The following RFC3 variants were observed in gnomAD, a reference collection of about 807,000 sequenced individuals.
RFC3 encodes replication factor C subunit 3.
Under a neutral mutation model 45.1 loss-of-function variants are expected in RFC3, and 41 were observed. The observed-to-expected ratio is 0.91, with a 90% CI of 0.71 to 1.18. RFC3 has a LOEUF of 1.18. RFC3 is among the 50% of genes most tolerant of loss of function. The pLI, the probability that RFC3 is intolerant of heterozygous loss-of-function variation, is 0.00. For synonymous variants in RFC3, 149 were observed against 144.0 expected (o/e 1.03, Z -0.25); for missense variants, 423 against 428.1 (o/e 0.99, Z 0.10).
intron 8 of RFC3, among the ~76,000 whole-genome samples, chr13:33,920,126 G>GAAAAAAA (rs2082758817): frequency 2.0e-5 from 3 of 152,114 alleles, no homozygotes; most frequent in Non-Finnish European, 2.9e-5. Flanking sequence ...TGAAGGGAGA[G>GAAAAAAA]AATGTTTGGC....
intron 8 of RFC3, among the ~76,000 whole-genome samples, chr13:33,910,237 CAT>C (rs2082695920): frequency 6.6e-6 from 1 of 152,034 alleles, no homozygotes; most frequent in African/African-American, 2.4e-5. Flanking sequence ...AAAGAGATAA[CAT>C]AGCATAAGGA....
intron 8 of RFC3, among the ~76,000 whole-genome samples, chr13:33,851,511 A>G (rs991768426): frequency 6.6e-6 from 1 of 152,176 alleles, no homozygotes; most frequent in Admixed American, 6.6e-5. Context: ...GAAAAAATAT[A>G]TTTACTATCT....
intron 8 of RFC3, among the ~76,000 whole-genome samples, chr13:33,904,724 C>A (rs562583911): frequency 6.6e-6 from 1 of 152,004 alleles, no homozygotes; most frequent in East Asian, 1.9e-4. Flanking sequence ...GCCCTTCTCT[C>A]GCCGCAATTT....
In RFC3 at chr13:33,825,702, A is replaced by G. The variant is rs144184213; in HGVS notation, c.294-87A>G. Reference sequence around the variant, plus strand: ...GTTAAGTGATATTAATTTTGATTAAAATTTTGACCACTTAAGAACTTCACC... The same window carrying G: ...GTTAAGTGATATTAATTTTGATTAAGATTTTGACCACTTAAGAACTTCACC... On this transcript the variant is annotated intron_variant, in intron 3 of 8. Transcript: ENST00000380071. The G allele has an allele frequency of 7.5e-4, 471 of 625,166 alleles. 1 individual carries two copies. Among genetic ancestry groups the G allele is most frequent in the African/African-American group, 6.7e-3 (352 of 52,308 alleles). 38.7% of individuals were successfully genotyped at this position (625,166 alleles called of 1,614,324 possible). A position where few individuals can be genotyped will look rare whatever the true frequency, so the allele number is the denominator to read the frequency against.
chr13:33,960,836 C>T (rs964411249), intron 8 of RFC3, among the ~76,000 whole-genome samples: 3 of 152,196 alleles, frequency 2.0e-5, no homozygotes, highest in African/African-American at 7.2e-5. Context: ...TTATTGCCTG[C>T]CTGAAATCTG....
intron 8 of RFC3, among the ~76,000 whole-genome samples, chr13:33,892,749 TAGAC>T (rs983541549): frequency 1.7e-4 from 26 of 152,046 alleles, no homozygotes; most frequent in African/African-American, 4.8e-4. Context: ...CAAAAACAAA[TAGAC>T]AGCACCAAGA....
At chr13:33,928,576 T>C (rs973388423) in intron 8 of RFC3, among the ~76,000 whole-genome samples, 3 of 152,134 alleles carry the variant, frequency 2.0e-5, no homozygotes, top group African/African-American at 7.2e-5. Context: ...CCGTGCCTTA[T>C]TACATTGATC....
chr13:33,931,563 T>G (rs965436803), intron 8 of RFC3, among the ~76,000 whole-genome samples: 2 of 152,134 alleles, frequency 1.3e-5, no homozygotes, highest in African/African-American at 4.8e-5. Flanking sequence ...CCAAAATTAC[T>G]GTCACAGTGT....
chr13:33,917,358 G>A (rs1189561829), intron 8 of RFC3, among the ~76,000 whole-genome samples: 1 of 152,112 alleles, frequency 6.6e-6, no homozygotes, highest in Non-Finnish European at 1.5e-5. Context: ...TGGAAAGGAT[G>A]GTTAGTCTGA....
At chr13:33,871,775 C>T (rs2082411528) in intron 8 of RFC3, among the ~76,000 whole-genome samples, 1 of 152,180 alleles carries the variant, frequency 6.6e-6, no homozygotes, top group Non-Finnish European at 1.5e-5. Flanking sequence ...ACATTGGGGC[C>T]ATTCTCTTCA....
chr13:33,903,978 T>G (rs901387175), intron 8 of RFC3, among the ~76,000 whole-genome samples: 4 of 152,102 alleles, frequency 2.6e-5, no homozygotes, highest in African/African-American at 9.7e-5. Context: ...ACTAACATCG[T>G]TTTCTTCCCT....
At chr13:33,841,850 C>G (rs184075612), downstream of RFC3, among the ~76,000 whole-genome samples, 2 of 152,268 alleles carry the variant, frequency 1.3e-5, no homozygotes, top group East Asian at 3.9e-4. Flanking sequence ...ACTGCATGTC[C>G]TGGAGATCAT....
intron 8 of RFC3, among the ~76,000 whole-genome samples, chr13:33,950,598 G>T (rs1357422850): frequency 1.3e-5 from 2 of 152,206 alleles, no homozygotes; most frequent in African/African-American, 4.8e-5. Flanking sequence ...CAACATGGAA[G>T]AAAGCGTCTG....
chr13:33,835,287 C>T (rs780722086), intron 8 of RFC3, 70 bp downstream of exon 8: 10 of 920,212 alleles, frequency 1.1e-5, no homozygotes, highest in Non-Finnish European at 1.8e-5. Flanking sequence ...GATCATAGGG[C>T]TTTTTGCAGT....
chr13:33,891,192 CT>C (rs1352449813), intron 8 of RFC3, among the ~76,000 whole-genome samples: 1 of 152,124 alleles, frequency 6.6e-6, no homozygotes, highest in East Asian at 1.9e-4. Context: ...AAATATACAA[CT>C]AAGAGTGGCA....
intron 8 of RFC3, among the ~76,000 whole-genome samples, chr13:33,901,982 C>T (rs2082644505): frequency 6.6e-6 from 1 of 151,984 alleles, no homozygotes; most frequent in African/African-American, 2.4e-5. Context: ...CCACCCTAGA[C>T]CCTGACCCCT....
chr13:33,976,205 A>G, the RFC3 span, among the ~76,000 whole-genome samples: 1 of 152,264 alleles, frequency 6.6e-6, no homozygotes, highest in Non-Finnish European at 1.5e-5. Flanking sequence ...ATAGAAAATT[A>G]TGGAATACAA....
chr13:33,959,554 C>G (rs908634174), intron 8 of RFC3, among the ~76,000 whole-genome samples: 1 of 152,168 alleles, frequency 6.6e-6, no homozygotes, highest in Admixed American at 6.5e-5. Flanking sequence ...CAGTGAGTCT[C>G]CCCACTCTCA....
intron 8 of RFC3, among the ~76,000 whole-genome samples, chr13:33,897,857 AG>A: frequency 6.7e-6 from 1 of 149,784 alleles, no homozygotes; most frequent in African/African-American, 2.5e-5. Flanking sequence ...CAAATCACCA[AG>A]AAAATACAAC....
Sources: allele counts gnomAD v4.1 joint callset (sites outside exome capture counted in the v4.1 genomes callset), GRCh38; gene constraint gnomAD v4.1.1; transcripts MANE v1.5; gene names NCBI Gene and HGNC (gene_info 2026-07-23, HGNC 2026-07-21).